Variants in EYS observed in about 807,000 individuals in gnomAD.
EYS encodes EGF-like photoreceptor maintenance factor.
A neutral mutation model predicts 282.1 loss-of-function variants in EYS; 250 were observed. That is an observed-to-expected ratio of 0.89 (90% CI 0.80 to 0.98). The LOEUF is 0.98. EYS is among the 50% of genes least tolerant of loss of function. The probability of loss-of-function intolerance (pLI) is 0.00; values close to 1 mark genes in which losing one functional copy is unlikely to be tolerated. For synonymous variants in EYS, 1,355 were observed against 1,282.9 expected, an observed-to-expected ratio of 1.06 and a Z score of -1.20; for missense variants, 4,016 against 3,709.0, an observed-to-expected ratio of 1.08 and a Z score of -2.15.
intron 22 of EYS, among the ~76,000 whole-genome samples, chr6:64,674,166 T>C (rs1769568089): frequency 6.6e-6 from 1 of 152,064 alleles, no homozygotes; most frequent in Admixed American, 6.5e-5. Flanking sequence ...TGAGAATAGA[T>C]CTTATCATAA....
At chr6:65,044,757 G>T (rs1375007612) in intron 13 of EYS, among the ~76,000 whole-genome samples, 1 of 151,780 alleles carries the variant, frequency 6.6e-6, no homozygotes, top group Non-Finnish European at 1.5e-5. Context: ...GATTCCCTAT[G>T]TGTGTGTCAT....
At chr6:63,906,855 C>G (rs970983878) in intron 35 of EYS, among the ~76,000 whole-genome samples, 2 of 150,346 alleles carry the variant, frequency 1.3e-5, no homozygotes, top group African/African-American at 4.9e-5. Flanking sequence ...AACATATATT[C>G]GGTATATTGA....
intron 35 of EYS, among the ~76,000 whole-genome samples, chr6:63,970,948 T>C (rs1766540889): frequency 6.6e-6 from 1 of 152,232 alleles, no homozygotes; most frequent in African/African-American, 2.4e-5. Flanking sequence ...AGGAAAATAG[T>C]AAGATGCCAA....
At chr6:64,309,527 C>T (rs758006391) in intron 29 of EYS, among the ~76,000 whole-genome samples, 5 of 151,992 alleles carry the variant, frequency 3.3e-5, no homozygotes, top group African/African-American at 4.8e-5. Context: ...CAGTACTGTT[C>T]GGAATAGTTA....
intron 37 of EYS, among the ~76,000 whole-genome samples, chr6:63,802,858 A>G (rs1027662079): frequency 1.3e-5 from 2 of 152,204 alleles, no homozygotes; most frequent in African/African-American, 4.8e-5. Flanking sequence ...TTTTTAGAAA[A>G]TGAACTTCAC....
At chr6:64,210,951 C>G (rs1224345775) in intron 31 of EYS, among the ~76,000 whole-genome samples, 6 of 152,190 alleles carry the variant, frequency 3.9e-5, no homozygotes, top group Admixed American at 3.3e-4. Context: ...AACTTCAAGG[C>G]TCTCTAGCCT....
intron 12 of EYS, among the ~76,000 whole-genome samples, chr6:65,173,608 A>G (rs1446026742): frequency 6.6e-6 from 1 of 151,026 alleles, no homozygotes; most frequent in East Asian, 2.0e-4. Flanking sequence ...TTTCATTTCC[A>G]TATGAGAATA....
In EYS at chr6:63,898,038, A is replaced by AG. The variant is rs1188284370; in HGVS notation, c.7056-33681dup. On this transcript the variant is annotated intron_variant, in intron 35 of 42. Coordinates refer to ENST00000503581, the MANE Select transcript of EYS (RefSeq NM_001142800.2). ...TAGCACCAAGAAGAATCTTGAGTTT[A>AG]GGAGACTTTTCTGAAGTAGACGTAA... Among the ~76,000 whole-genome samples the AG allele has an allele frequency of 2.6e-5, 4 of 152,328 alleles. No individual in the cohort carries two copies. The East Asian group carries it at 7.7e-4, about 29-fold the overall frequency.
chr6:64,104,782 T>G (rs1772950550), intron 31 of EYS, among the ~76,000 whole-genome samples: 1 of 150,230 alleles, frequency 6.7e-6, no homozygotes, highest in South Asian at 2.1e-4. Context: ...TATACAGTAG[T>G]TTCCAAACTT....
chr6:64,902,073 A>G (rs1767684147), intron 18 of EYS, 40 bp downstream of exon 18: 1 of 1,370,158 alleles, frequency 7.3e-7, no homozygotes, highest in Non-Finnish European at 1.0e-6. Context: ...GTTGAATTAC[A>G]CACATCAAAT....
At chr6:63,857,587 C>G in intron 36 of EYS, 2 of 344,530 alleles carry the variant, frequency 5.8e-6, no homozygotes, top group Non-Finnish European at 1.2e-5. Context: ...CTAGGGTGCT[C>G]CATGACCACC....
intron 19 of EYS, among the ~76,000 whole-genome samples, chr6:64,874,150 T>C (rs1025158953): frequency 2.4e-4 from 36 of 152,226 alleles, no homozygotes; most frequent in African/African-American, 8.7e-4. Flanking sequence ...TCATTGACTT[T>C]CGGAGATGCC....
intron 26 of EYS, among the ~76,000 whole-genome samples, chr6:64,508,735 A>G (rs1161357289): frequency 1.3e-5 from 2 of 151,992 alleles, no homozygotes; most frequent in South Asian, 2.1e-4. Context: ...ACATTACAGT[A>G]CATTAAAGCT....
chr6:64,368,479 A>G (rs1304649618), intron 29 of EYS, among the ~76,000 whole-genome samples: 2 of 152,076 alleles, frequency 1.3e-5, no homozygotes, highest in Non-Finnish European at 2.9e-5. Flanking sequence ...GTTGAATGGT[A>G]ATTTTTTTAA....
chr6:64,214,003 C>A (rs913261736), intron 31 of EYS, among the ~76,000 whole-genome samples: 1 of 152,048 alleles, frequency 6.6e-6, no homozygotes, highest in South Asian at 2.1e-4. Flanking sequence ...ACACAGAAAT[C>A]TTTTTGGATA....
chr6:65,355,357 T>G (rs1764440736), intron 8 of EYS, among the ~76,000 whole-genome samples: 1 of 151,758 alleles, frequency 6.6e-6, no homozygotes, highest in South Asian at 2.1e-4. Flanking sequence ...CCAAAAGTAT[T>G]GAAATAAAAA....
intron 35 of EYS, among the ~76,000 whole-genome samples, chr6:63,940,620 G>A (rs961734798): frequency 4.6e-4 from 70 of 151,844 alleles, no homozygotes; most frequent in African/African-American, 1.7e-3. Flanking sequence ...TGATGAGTTC[G>A]CAGATGCCAT....
intron 36 of EYS, among the ~76,000 whole-genome samples, chr6:63,837,325 C>T (rs757072480): frequency 9.9e-5 from 15 of 151,638 alleles, no homozygotes; most frequent in East Asian, 1.9e-4. Context: ...AATTTTGTTA[C>T]GGATTTTTTT....
At chr6:65,550,143 C>CTT (rs1048251073) in intron 2 of EYS, among the ~76,000 whole-genome samples, 231 of 5,774 alleles carry the variant, frequency 0.04, 11 homozygotes, top group Non-Finnish European at 0.046. Flanking sequence ...TCTACTATAT[C>CTT]TTTTTTTTTT....
Sources: gnomAD v4.1 joint callset for allele counts (sites outside exome capture counted in the v4.1 genomes callset) on GRCh38, gnomAD v4.1.1 for gene constraint, MANE v1.5 for transcripts, NCBI Gene and HGNC (gene_info 2026-07-23, HGNC 2026-07-21) for gene names.